SLC25A21: variants seen among roughly 807,000 people sequenced by gnomAD.
SLC25A21 encodes solute carrier family 25 member 21.
Under a neutral mutation model 43.8 loss-of-function variants are expected in SLC25A21, and 47 were observed. The observed-to-expected ratio is 1.07, with a 90% CI of 0.85 to 1.37. The LOEUF (loss-of-function observed/expected upper bound fraction) is 1.37. SLC25A21 is among the 40% of genes most tolerant of loss of function. The pLI is 0.00. For synonymous variants in SLC25A21, 131 were observed against 121.3 expected, an observed-to-expected ratio of 1.08 and a Z score of -0.52; for missense variants, 352 against 350.2, an observed-to-expected ratio of 1.00 and a Z score of -0.04.
At chr14:36,882,302 G>C (rs1890755818) in intron 1 of SLC25A21, among the ~76,000 whole-genome samples, 1 of 152,232 alleles carries the variant, frequency 6.6e-6, no homozygotes. Flanking sequence ...AGAATTGCTT[G>C]AACCTGGGAG....
chr14:36,703,137 A>T (rs1244122411), intron 7 of SLC25A21, among the ~76,000 whole-genome samples: 2 of 152,240 alleles, frequency 1.3e-5, no homozygotes, highest in Non-Finnish European at 2.9e-5. Context: ...CTAATGATGG[A>T]GTAAGAGAGA....
At chr14:36,940,239 A>G (rs1892523817) in intron 1 of SLC25A21, among the ~76,000 whole-genome samples, 1 of 152,170 alleles carries the variant, frequency 6.6e-6, no homozygotes. Context: ...AAAAGGAAGA[A>G]AAATGTGTTT....
chr14:37,065,603 C>G (rs1321319536), intron 1 of SLC25A21, among the ~76,000 whole-genome samples: 1 of 151,990 alleles, frequency 6.6e-6, no homozygotes, highest in Non-Finnish European at 1.5e-5. Context: ...TTCCCAACAC[C>G]AGGGGACTTA....
chr14:36,959,469 C>A (rs1442433091), intron 1 of SLC25A21, among the ~76,000 whole-genome samples: 2 of 152,122 alleles, frequency 1.3e-5, no homozygotes, highest in South Asian at 4.2e-4. Context: ...GAAATAAAAT[C>A]CGCAAACCTG....
chr14:36,784,996 T>C (rs576205635), intron 3 of SLC25A21, among the ~76,000 whole-genome samples: 12 of 152,352 alleles, frequency 7.9e-5, no homozygotes, highest in African/African-American at 2.6e-4. Flanking sequence ...ATCCTTATTG[T>C]CCCTGATTCC....
chr14:36,960,527 T>C (rs993978293), intron 1 of SLC25A21, among the ~76,000 whole-genome samples: 6 of 152,140 alleles, frequency 3.9e-5, no homozygotes, highest in African/African-American at 1.4e-4. Context: ...TTCATATAAA[T>C]GTCCTATCTT....
In SLC25A21 at chr14:36,989,353, C is replaced by T. The variant is rs200721949; in HGVS notation, c.71-114349G>A. On this transcript the variant is annotated intron_variant, in intron 1 of 9. Transcript: ENST00000331299. ...TTTCTAAAGTGTAATTCTTATATTG[C>T]CATGAACTTTGGGAAGATGCCCTCA... 5.3e-5 allele frequency among the ~76,000 whole-genome samples: 8 copies of T among 152,248 alleles called. No homozygotes were observed. The East Asian group carries it at 9.6e-4, about 18-fold the overall frequency.
At chr14:36,813,860 A>G (rs1888358432) in intron 3 of SLC25A21, 58 bp downstream of exon 3, 5 of 1,254,120 alleles carry the variant, frequency 4.0e-6, no homozygotes, top group African/African-American at 3.0e-5. Flanking sequence ...ACCATTCGAA[A>G]TGAGAAAACA....
At chr14:36,784,365 T>G (rs202239494) in intron 3 of SLC25A21, among the ~76,000 whole-genome samples, 1 of 151,410 alleles carries the variant, frequency 6.6e-6, no homozygotes, top group African/African-American at 2.4e-5. Context: ...ACATTGGCTG[T>G]TTTTTTTTCT....
At chr14:36,914,428 C>T (rs1432361957) in intron 1 of SLC25A21, among the ~76,000 whole-genome samples, 2 of 152,152 alleles carry the variant, frequency 1.3e-5, no homozygotes, top group East Asian at 3.8e-4. Context: ...AGGCTTTTGC[C>T]CCTGCTGCAC....
At chr14:36,875,623 G>A (rs929621696) in intron 1 of SLC25A21, among the ~76,000 whole-genome samples, 2 of 152,170 alleles carry the variant, frequency 1.3e-5, no homozygotes, top group African/African-American at 4.8e-5. Flanking sequence ...AACTTTATGT[G>A]ATAGAATGTA....
chr14:36,724,685 G>A (rs1208595447), intron 6 of SLC25A21, among the ~76,000 whole-genome samples: 2 of 152,146 alleles, frequency 1.3e-5, no homozygotes, highest in African/African-American at 2.4e-5. Flanking sequence ...ACACACCAAG[G>A]AATGCTGTCT....
At chr14:36,914,345 G>A (rs553874566) in intron 1 of SLC25A21, among the ~76,000 whole-genome samples, 97 of 152,268 alleles carry the variant, frequency 6.4e-4, no homozygotes, top group South Asian at 1.9e-3. Context: ...ACATTGGTAA[G>A]GTAAACTCTG....
At chr14:36,854,928 T>A (rs187135195) in intron 2 of SLC25A21, among the ~76,000 whole-genome samples, 1 of 100,484 alleles carries the variant, frequency 1.0e-5, no homozygotes, top group African/African-American at 4.6e-5. Flanking sequence ...TTCTGGGGCA[T>A]GAGGTGGGGG....
At position 37,125,949 on chromosome 14, in the gene SLC25A21, G is replaced by A. The variant is rs1963290303; in HGVS notation, c.70+46332C>T. On this transcript the variant is annotated intron_variant, in intron 1 of 9. Transcript: ENST00000331299. ...TTAGAAACAATTATGCTTTCCACCTGTAGTTTGAGTACTGAATGATATAAT... is the reference window on the plus strand; with the variant it reads ...TTAGAAACAATTATGCTTTCCACCTATAGTTTGAGTACTGAATGATATAAT... 1.3e-5 allele frequency among the ~76,000 whole-genome samples: 2 copies of A among 152,176 alleles called. 1 individual carries two copies. The highest frequency in any genetic ancestry group is 4.8e-5 in the African/African-American group (2 of 41,448).
At chr14:36,850,348 T>C (rs1283008110) in intron 2 of SLC25A21, among the ~76,000 whole-genome samples, 1 of 152,188 alleles carries the variant, frequency 6.6e-6, no homozygotes, top group Non-Finnish European at 1.5e-5. Context: ...ATGACTTCCA[T>C]TTTACAGGTT....
At chr14:36,806,756 T>C (rs1888053857) in intron 3 of SLC25A21, 1 of 152,178 alleles carries the variant, frequency 6.6e-6, no homozygotes, top group Non-Finnish European at 1.5e-5. Flanking sequence ...CTATAGTTTA[T>C]TCTCCAAATT....
intron 1 of SLC25A21, among the ~76,000 whole-genome samples, chr14:36,882,069 T>C (rs369023049): frequency 1.4e-4 from 21 of 152,312 alleles, no homozygotes; most frequent in Non-Finnish European, 2.9e-4. Context: ...TATTTTACAT[T>C]GTATCACATA....
intron 1 of SLC25A21, among the ~76,000 whole-genome samples, chr14:36,924,141 A>G (rs1240370909): frequency 6.6e-6 from 1 of 152,120 alleles, no homozygotes; most frequent in East Asian, 1.9e-4. Context: ...ATCTAGAACT[A>G]GAAATACCAT....
Sources: allele counts gnomAD v4.1 joint callset (sites outside exome capture counted in the v4.1 genomes callset), GRCh38; gene constraint gnomAD v4.1.1; transcripts MANE v1.5; gene names NCBI Gene and HGNC (gene_info 2026-07-23, HGNC 2026-07-21).